Variants in UXS1 observed in about 807,000 individuals in gnomAD.
The protein encoded by UXS1 is UDP-glucuronate decarboxylase 1.
UXS1 carries 33 observed loss-of-function variants against 62.6 expected under a neutral mutation model. That is an observed-to-expected ratio of 0.53 (90% CI 0.40 to 0.70). The LOEUF (loss-of-function observed/expected upper bound fraction) is 0.70. Among genes scored for constraint, UXS1 ranks in the 30% least tolerant of loss-of-function variants. The pLI, the probability that UXS1 is intolerant of heterozygous loss-of-function variation, is 0.00. For synonymous variants in UXS1, 213 were observed against 206.8 expected (o/e 1.03, Z -0.26); for missense variants, 434 against 556.3 (o/e 0.78, Z 2.21).
At chr2:106,119,138 TGA>T (rs1679312660) in intron 9 of UXS1, among the ~76,000 whole-genome samples, 1 of 152,218 alleles carries the variant, frequency 6.6e-6, no homozygotes, top group Admixed American at 6.5e-5. Flanking sequence ...ATCTCCCAGC[TGA>T]GAGGTGCAGG....
At chr2:106,108,937 C>T (rs1052406613) in intron 10 of UXS1, among the ~76,000 whole-genome samples, 2 of 152,062 alleles carry the variant, frequency 1.3e-5, no homozygotes, top group Non-Finnish European at 2.9e-5. Flanking sequence ...TCACAAGAAA[C>T]CCTTACCCTC....
chr2:106,194,101 C>G, intron 1 of UXS1, 47 bp downstream of exon 1: 1 of 1,412,080 alleles, frequency 7.1e-7, no homozygotes, highest in Non-Finnish European at 9.3e-7. Flanking sequence ...CACCGCGGCG[C>G]CGGGGAATGA....
Position 106,194,254 on chromosome 2 carries a change from C to G in UXS1, c.-13G>C. On this transcript the variant is annotated 5_prime_UTR_variant, in exon 1 of 15. Transcript: ENST00000283148. Reference sequence around the variant, plus strand: ...CCTTGCTCACCATCCCCGGGAGCCGCGCGGGTCCAGGGCCCTACCGCGCGG... The same window carrying G: ...CCTTGCTCACCATCCCCGGGAGCCGGGCGGGTCCAGGGCCCTACCGCGCGG... The G allele has an allele frequency of 7.1e-7, 1 of 1,400,342 alleles. No individual in the cohort carries two copies. The allele number at this position is 1,400,342 out of a possible 1,614,324, so 86.7% of individuals were successfully genotyped here.
chr2:106,166,100 A>T lies in UXS1; in HGVS notation c.95-17T>A. On this transcript the variant is annotated splice_polypyrimidine_tract_variant and intron_variant, in intron 1 of 14. Transcript: ENST00000283148. ...CCCAAACAGCTGTAAGAGAAAGAAA[A>T]AAGGAAGTCAATGTTTAAGTCCACA... 4 of 1,609,424 alleles carry T rather than the reference A, an allele frequency of 2.5e-6. No homozygotes were observed. The highest frequency in any genetic ancestry group is 2.7e-5 in the African/African-American group (2 of 74,860).
intron 2 of UXS1, among the ~76,000 whole-genome samples, chr2:106,165,631 T>C (rs908164289): frequency 2.6e-5 from 4 of 152,186 alleles, no homozygotes; most frequent in African/African-American, 4.8e-5. Flanking sequence ...CTGGACTAAA[T>C]AGGTGGTCTC....
chr2:106,098,897 AGAGCTCCGT>A, intron 12 of UXS1, 124 bp from the exon 13 acceptor site: 6 of 793,664 alleles, frequency 7.6e-6, no homozygotes, highest in Non-Finnish European at 1.3e-5. Context: ...CTGCTTCAGC[AGAGCTCCGT>A]GTGCCAGAGG....
intron 6 of UXS1, among the ~76,000 whole-genome samples, chr2:106,141,877 G>GTT (rs931939222): frequency 2.2e-5 from 3 of 135,682 alleles, no homozygotes; most frequent in Non-Finnish European, 3.2e-5. Flanking sequence ...TTTTTTTTTG[G>GTT]TTTTTTTTTT....
intron 1 of UXS1, among the ~76,000 whole-genome samples, chr2:106,179,341 T>G (rs1684098965): frequency 6.6e-6 from 1 of 151,762 alleles, no homozygotes; most frequent in African/African-American, 2.4e-5. Flanking sequence ...TCTCCTGCTC[T>G]CCGCTCTCTG....
Position 106,104,844 on chromosome 2 carries a change from G to A in UXS1, c.880-7C>T. 1 of 1,613,932 alleles carries A rather than the reference G, an allele frequency of 6.2e-7. No homozygotes were observed. The highest frequency in any genetic ancestry group is 8.5e-7 in the Non-Finnish European group (1 of 1,179,868). On this transcript the variant is annotated splice_polypyrimidine_tract_variant and splice_region_variant and intron_variant, in intron 10 of 14. Transcript: ENST00000283148. The stretch of plus-strand genomic sequence containing the variant: ...GAGACCCGGATCCGTATACCTGGAA[G>A]GAAACCAACAGTTAGGCCTCCTGAT...
At chr2:106,194,005 A>T in intron 1 of UXS1, 143 bp downstream of exon 1, 1 of 484,284 alleles carries the variant, frequency 2.1e-6, no homozygotes, top group Non-Finnish European at 3.2e-6. Context: ...AAGGGGTGGG[A>T]GCAGAAAGCG....
chr2:106,117,500 G>A (rs571100758), intron 9 of UXS1, among the ~76,000 whole-genome samples: 1 of 151,882 alleles, frequency 6.6e-6, no homozygotes, highest in South Asian at 2.1e-4. Flanking sequence ...GTTAAGTGAT[G>A]ACTTACTGTG....
intron 4 of UXS1, among the ~76,000 whole-genome samples, chr2:106,163,119 G>A (rs1390437217): frequency 1.3e-5 from 2 of 152,178 alleles, no homozygotes; most frequent in Non-Finnish European, 2.9e-5. Context: ...GAACCTGAGG[G>A]CAATAGTGTC....
At chr2:106,162,410 C>T (rs1029140433) in intron 4 of UXS1, among the ~76,000 whole-genome samples, 11 of 152,062 alleles carry the variant, frequency 7.2e-5, no homozygotes, top group African/African-American at 2.4e-4. Context: ...GGGAAGTTAT[C>T]GAATTGAGAC....
At chr2:106,124,614 T>A (rs1679778858) in intron 8 of UXS1, among the ~76,000 whole-genome samples, 2 of 152,166 alleles carry the variant, frequency 1.3e-5, no homozygotes, top group Admixed American at 6.5e-5. Context: ...CAGGCTCCTG[T>A]CAGACATGCA....
chr2:106,166,196 C>T, intron 1 of UXS1, 113 bp from the exon 2 acceptor site: 2 of 1,027,940 alleles, frequency 1.9e-6, no homozygotes, highest in Non-Finnish European at 2.8e-6. Context: ...AGAAAATTAA[C>T]TTACGAAGAC....
rs552080479 is a variant in UXS1, at chr2:106,151,713, T to A, written c.292-6343A>T. On this transcript the variant is annotated intron_variant, in intron 5 of 14. Transcript: ENST00000283148. ...AACATTAAAAAAATTAACTTTTCTA[T>A]GCTACTTGAGACACTTATTTCCAAA... 8.5e-5 allele frequency among the ~76,000 whole-genome samples: 13 copies of A among 152,358 alleles called. No homozygotes were observed. In the South Asian group the frequency reaches 2.5e-3, roughly 29 times the overall value.
chr2:106,122,871 A>G (rs1205845910), intron 9 of UXS1, 99 bp downstream of exon 9: 3 of 1,505,482 alleles, frequency 2.0e-6, no homozygotes, highest in South Asian at 1.3e-5. Context: ...CTATCCCCAG[A>G]CAAAATCAGT....
At chr2:106,128,934 T>C (rs1558705076) in intron 7 of UXS1, among the ~76,000 whole-genome samples, 14 of 152,238 alleles carry the variant, frequency 9.2e-5, no homozygotes. Context: ...CATCATTTAC[T>C]TGCCATTTTT....
At chr2:106,111,029 G>C (rs1232036331) in intron 10 of UXS1, among the ~76,000 whole-genome samples, 1 of 152,224 alleles carries the variant, frequency 6.6e-6, no homozygotes, top group African/African-American at 2.4e-5. Context: ...AGGCAACAGG[G>C]CTGTGTCCCG....
Sources: gnomAD v4.1 joint callset for allele counts (sites outside exome capture counted in the v4.1 genomes callset) on GRCh38, gnomAD v4.1.1 for gene constraint, MANE v1.5 for transcripts, NCBI Gene and HGNC (gene_info 2026-07-23, HGNC 2026-07-21) for gene names.